XRCC2: variants seen among roughly 807,000 people sequenced by gnomAD.
XRCC2 encodes the protein X-ray repair cross complementing 2.
A neutral mutation model predicts 27.3 loss-of-function variants in XRCC2; 24 were observed. The observed-to-expected ratio is 0.88, with a 90% CI of 0.64 to 1.24. The LOEUF is 1.24. Among genes scored for constraint, XRCC2 ranks in the 50% most tolerant of loss-of-function variants. XRCC2 has a pLI of 0.00. For missense variants in XRCC2, 321 were observed against 325.8 expected, an observed-to-expected ratio of 0.99 and a Z score of 0.11; for synonymous variants, 106 against 115.4, an observed-to-expected ratio of 0.92 and a Z score of 0.52.
intron 2 of XRCC2, among the ~76,000 whole-genome samples, chr7:152,654,062 G>A (rs3218509): frequency 2.9e-4 from 44 of 152,200 alleles, no homozygotes; most frequent in African/African-American, 1.0e-3. Flanking sequence ...TGGGCATGGT[G>A]GCACGTGCCT....
At chr7:152,660,194 G>A (rs982193971) in intron 2 of XRCC2, among the ~76,000 whole-genome samples, 2 of 152,142 alleles carry the variant, frequency 1.3e-5, no homozygotes, top group African/African-American at 4.8e-5. Flanking sequence ...GAGATAAAAT[G>A]CTCTAAAGTC....
intron 1 of XRCC2, among the ~76,000 whole-genome samples, chr7:152,663,345 G>GAAAAAAAA: frequency 1.8e-4 from 1 of 5,460 alleles, no homozygotes; most frequent in Non-Finnish European, 3.7e-4. Flanking sequence ...TGTCTTTGAA[G>GAAAAAAAA]TAAAAAAAAA....
intron 1 of XRCC2, chr7:152,663,806 T>A (rs1216623129): frequency 2.0e-5 from 3 of 151,068 alleles, no homozygotes; most frequent in Admixed American, 6.6e-5. Context: ...GCCACTGCAC[T>A]CCAGCCTGGG....
At chr7:152,664,380 G>C (rs939644939) in intron 1 of XRCC2, among the ~76,000 whole-genome samples, 1 of 152,122 alleles carries the variant, frequency 6.6e-6, no homozygotes. Context: ...TCATGAGGGT[G>C]TTTCTGGAGG....
intron 2 of XRCC2, among the ~76,000 whole-genome samples, chr7:152,657,144 G>A (rs2098031016): frequency 6.6e-6 from 1 of 150,586 alleles, no homozygotes; most frequent in Non-Finnish European, 1.5e-5. Flanking sequence ...GCTGAGGCAG[G>A]AGAATCACTT....
intron 2 of XRCC2, among the ~76,000 whole-genome samples, chr7:152,655,348 T>C (rs1395854882): frequency 6.6e-6 from 1 of 152,208 alleles, no homozygotes; most frequent in African/African-American, 2.4e-5. Context: ...TTATAATCAT[T>C]ATAGAAGTAA....
In XRCC2 at chr7:152,660,702, A is replaced by C. The variant is rs1306014974; in HGVS notation, c.120T>G (p.His40Gln). Residue 40 changes from histidine to glutamine, a missense_variant and splice_region_variant, in exon 2 of 3, where the codon CAT (histidine) becomes CAG (glutamine). Physicochemically the swap from His to Gln is conservative, Grantham distance 24. Coordinates refer to ENST00000359321, the MANE Select transcript of XRCC2 (RefSeq NM_005431.2). ...TTATATAAAGGTTGTATTTTTTACCATGCACAGGTGAATCTTCATCAGCAA... is the reference window on the plus strand; with the variant it reads ...TTATATAAAGGTTGTATTTTTTACCCTGCACAGGTGAATCTTCATCAGCAA... ...NLFADEDSPV[H>Q]GDILEFHGPE... 3 of 1,608,832 alleles carry C rather than the reference A, an allele frequency of 1.9e-6. No homozygotes were observed. In the South Asian group the frequency reaches 3.3e-5, roughly 18 times the overall value.
At chr7:152,665,212 G>A (rs996111021) in intron 1 of XRCC2, among the ~76,000 whole-genome samples, 1 of 152,174 alleles carries the variant, frequency 6.6e-6, no homozygotes, top group African/African-American at 2.4e-5. Flanking sequence ...CTTCAGTCCT[G>A]CCTTGAATCT....
chr7:152,666,601 A>G (rs990785266), intron 1 of XRCC2, among the ~76,000 whole-genome samples: 1 of 151,120 alleles, frequency 6.6e-6, no homozygotes. Context: ...TATAACTCAA[A>G]GAAAAATACA....
Position 152,650,104 on chromosome 7 carries a change from G to A in XRCC2, c.122-741C>T, listed in dbSNP as rs3218530. ...TAAGTTGGACTTCTATGACACGCAG[G>A]TGAAGGCACTCCCTAATTAGGTTTC... is the stretch of plus-strand genomic sequence containing the variant. On this transcript the variant is annotated intron_variant, in intron 2 of 2. Coordinates refer to ENST00000359321, the MANE Select transcript of XRCC2 (RefSeq NM_005431.2). Among the ~76,000 whole-genome samples the A allele has an allele frequency of 3.9e-5, 6 of 152,328 alleles. No individual in the cohort carries two copies. The East Asian group carries it at 1.2e-3, about 29-fold the overall frequency.
At position 152,646,924 on chromosome 7, in the gene XRCC2, A is replaced by G. The variant is rs2098026223; in HGVS notation, c.*1718T>C. ...CAATGATTTCTATTCCTTTGGGTATATACCCAGTAATGAGATTGCTGGGTT... is the reference window on the plus strand; with the variant it reads ...CAATGATTTCTATTCCTTTGGGTATGTACCCAGTAATGAGATTGCTGGGTT... On this transcript the variant is annotated 3_prime_UTR_variant, in exon 3 of 3. Coordinates refer to ENST00000359321, the MANE Select transcript of XRCC2 (RefSeq NM_005431.2). 1 of 152,232 alleles carries G rather than the reference A, an allele frequency of 6.6e-6. No homozygotes were observed. Among genetic ancestry groups the G allele is most frequent in the African/African-American group, 2.4e-5 (1 of 41,466 alleles). The allele number at this position is 152,232 out of a possible 1,614,324, so 9.4% of individuals were successfully genotyped here.
intron 2 of XRCC2, among the ~76,000 whole-genome samples, chr7:152,652,334 C>A (rs1201328243): frequency 6.6e-6 from 1 of 151,900 alleles, no homozygotes; most frequent in Non-Finnish European, 1.5e-5. Flanking sequence ...ATGCTGAACC[C>A]GCCACTCCTG....
In XRCC2 at chr7:152,648,869, A is replaced by C; in HGVS notation, c.616T>G (p.Ser206Ala). The change falls in exon 3 of 3, where the codon TCA (serine) becomes GCA (alanine). Residue 206 changes from serine (S) to alanine (A), a missense_variant. Coordinates refer to ENST00000359321, the MANE Select transcript of XRCC2 (RefSeq NM_005431.2). The part of the protein sequence containing the change: ...QTIMQKASSS[S>A]EEPSHASRRL... ...CGAGAGGCATGAGAAGGTTCTTCTG[A>C]TGAGCTCGAGGCTTTCTGCATTATA... 3 of 1,613,992 alleles carry C rather than the reference A, an allele frequency of 1.9e-6. No homozygotes were observed. Among genetic ancestry groups the C allele is most frequent in the Middle Eastern group, 1.6e-4 (1 of 6,062 alleles).
intron 1 of XRCC2, among the ~76,000 whole-genome samples, chr7:152,674,988 TG>T (rs1393043985): frequency 6.6e-5 from 10 of 151,860 alleles, no homozygotes; most frequent in Non-Finnish European, 1.0e-4. Context: ...AGAAACGGCA[TG>T]GCCTGCAAAG....
At position 152,676,076 on chromosome 7, in the gene XRCC2, A is replaced by G. The variant is rs2098040963; in HGVS notation, c.4T>C (p.Cys2Arg). The G allele has an allele frequency of 6.2e-7, 1 of 1,613,684 alleles. No individual in the cohort carries two copies. The highest frequency in any genetic ancestry group is 8.5e-7 in the Non-Finnish European group (1 of 1,179,794). ...GACTCAGCCCTATGGAAGGCACTACACATCGCCCCGAAGGCTCGGCGCAGG... is the reference window on the plus strand; with the variant it reads ...GACTCAGCCCTATGGAAGGCACTACGCATCGCCCCGAAGGCTCGGCGCAGG... M[C>R]SAFHRAESGT... Residue 2 changes from cysteine to arginine, a missense_variant, in exon 1 of 3, where the codon TGT becomes CGT. Transcript: ENST00000359321.
At chr7:152,659,870 C>G (rs940345502) in intron 2 of XRCC2, among the ~76,000 whole-genome samples, 1 of 152,170 alleles carries the variant, frequency 6.6e-6, no homozygotes, top group African/African-American at 2.4e-5. Context: ...TTATGCACAA[C>G]AGCCAGCAAA....
intron 2 of XRCC2, among the ~76,000 whole-genome samples, chr7:152,650,155 A>G (rs994813894): frequency 5.9e-5 from 9 of 152,152 alleles, no homozygotes; most frequent in African/African-American, 2.2e-4. Context: ...TTATGGGGGG[A>G]ACAATTCTGG....
At chr7:152,653,377 T>G (rs942336294) in intron 2 of XRCC2, among the ~76,000 whole-genome samples, 2 of 152,178 alleles carry the variant, frequency 1.3e-5, no homozygotes, top group African/African-American at 4.8e-5. Flanking sequence ...AAAAATGGAC[T>G]AATACAGCAG....
At chr7:152,650,974 C>G (rs1014683275) in intron 2 of XRCC2, among the ~76,000 whole-genome samples, 1 of 152,036 alleles carries the variant, frequency 6.6e-6, no homozygotes, top group Non-Finnish European at 1.5e-5. Flanking sequence ...GAGTCTTGTT[C>G]TGTTGCCTAG....
Sources: gnomAD v4.1 joint callset for allele counts (sites outside exome capture counted in the v4.1 genomes callset) on GRCh38, gnomAD v4.1.1 for gene constraint, MANE v1.5 for transcripts, NCBI Gene and HGNC (gene_info 2026-07-23, HGNC 2026-07-21) for gene names.